Variants in GNAI1 observed in about 807,000 individuals in gnomAD.
GNAI1 encodes the protein G protein subunit alpha i1, also known as guanine nucleotide-binding protein G(i) subunit alpha-1.
Under a neutral mutation model 38.9 loss-of-function variants are expected in GNAI1, and 11 were observed. That is an observed-to-expected ratio of 0.28 (90% CI 0.18 to 0.47). The LOEUF (loss-of-function observed/expected upper bound fraction) is 0.47, where lower values mean the gene tolerates loss of function less well. Among genes scored for constraint, GNAI1 ranks in the 20% least tolerant of loss-of-function variants. The probability of loss-of-function intolerance (pLI) is 0.99; values close to 1 mark genes in which losing one functional copy is unlikely to be tolerated. For missense variants in GNAI1, 317 were observed against 436.9 expected (o/e 0.73, Z 2.45); for synonymous variants, 166 against 145.1 (o/e 1.14, Z -1.04).
chr7:80,169,758 C>T (rs1387770373), intron 1 of GNAI1, among the ~76,000 whole-genome samples: 3 of 152,122 alleles, frequency 2.0e-5, no homozygotes, highest in African/African-American at 7.2e-5. Context: ...TGTCGTGCAG[C>T]CATTACCATA....
chr7:80,148,520 T>C (rs1375444652), intron 1 of GNAI1, among the ~76,000 whole-genome samples: 1 of 104,976 alleles, frequency 9.5e-6, no homozygotes, highest in African/African-American at 3.2e-5. Context: ...AAAAAAATGT[T>C]ATTTTAAAAT....
chr7:80,212,604 C>T (rs1584055726), intron 6 of GNAI1, 112 bp from the exon 7 acceptor site: 1 of 576,882 alleles, frequency 1.7e-6, no homozygotes, highest in Non-Finnish European at 2.9e-6. Flanking sequence ...TTTTGTGATA[C>T]GTATTTTTCA....
intron 3 of GNAI1, among the ~76,000 whole-genome samples, chr7:80,196,884 G>A (rs1157675975): frequency 5.3e-5 from 8 of 151,848 alleles, no homozygotes; most frequent in African/African-American, 1.7e-4. Context: ...AGTAGAGTAG[G>A]TTAACATGCC....
At chr7:80,150,087 G>A (rs1312077274) in intron 1 of GNAI1, among the ~76,000 whole-genome samples, 1 of 152,140 alleles carries the variant, frequency 6.6e-6, no homozygotes, top group Admixed American at 6.5e-5. Flanking sequence ...TGTACTGTTG[G>A]TTGGGAGCAT....
chr7:80,201,348 A>G (rs1445447872), intron 4 of GNAI1, among the ~76,000 whole-genome samples: 3 of 152,132 alleles, frequency 2.0e-5, no homozygotes, highest in Non-Finnish European at 2.9e-5. Flanking sequence ...TTCTCACTGT[A>G]TGGGGGAACT....
rs1199945671 is a variant in GNAI1, at chr7:80,220,384, ATACCTC to A, written c.*2893_*2898del. The stretch of plus-strand genomic sequence containing the variant: ...TTTGGCACTTTTAAATTTGTTTGTG[ATACCTC>A]TTTTAGACTCCTCTGGCATCTGTTC... On this transcript the variant is annotated 3_prime_UTR_variant, in exon 8 of 8. Coordinates refer to ENST00000649796, the MANE Select transcript of GNAI1 (RefSeq NM_002069.6). Among the ~76,000 whole-genome samples, 1 of 152,172 alleles carries A rather than the reference ATACCTC, an allele frequency of 6.6e-6. No homozygotes were observed. Among genetic ancestry groups the A allele is most frequent in the African/African-American group, 2.4e-5 (1 of 41,436 alleles).
intron 1 of GNAI1, among the ~76,000 whole-genome samples, chr7:80,138,464 G>C (rs1045009375): frequency 2.0e-5 from 3 of 152,136 alleles, no homozygotes; most frequent in African/African-American, 7.2e-5. Context: ...ATACTTAATA[G>C]AGAAACATTT....
chr7:80,168,602 G>T (rs921621418), intron 1 of GNAI1, among the ~76,000 whole-genome samples: 2 of 152,068 alleles, frequency 1.3e-5, no homozygotes, highest in Non-Finnish European at 2.9e-5. Context: ...TAGCCAGGAT[G>T]GTCTCGATCT....
At chr7:80,208,327 T>A (rs1345197960) in intron 5 of GNAI1, among the ~76,000 whole-genome samples, 1 of 152,186 alleles carries the variant, frequency 6.6e-6, no homozygotes, top group Non-Finnish European at 1.5e-5. Flanking sequence ...CTAATATAAG[T>A]GTAGAGCAAT....
intron 1 of GNAI1, among the ~76,000 whole-genome samples, chr7:80,141,366 T>C (rs1177710932): frequency 6.6e-6 from 1 of 152,310 alleles, no homozygotes; most frequent in Non-Finnish European, 1.5e-5. Flanking sequence ...TAATCCATAC[T>C]GGGACAAAAT....
At position 80,225,434 on chromosome 7, in the gene GNAI1, G is replaced by GT. The variant is rs1789142765; in HGVS notation, c.*7941_*7942insT. Among the ~76,000 whole-genome samples the GT allele has an allele frequency of 2.1e-4, 32 of 151,668 alleles. No individual in the cohort carries two copies. Among genetic ancestry groups the GT allele is most frequent in the Admixed American group, 4.6e-4 (7 of 15,228 alleles). On this transcript the variant is annotated 3_prime_UTR_variant, in exon 8 of 8. Transcript: ENST00000649796. ...TGCAGCCAAATCAAAAGATTAGTGG[G>GT]GTTTTTTTTAATGTTGTTATTGTGT... is the stretch of plus-strand genomic sequence containing the variant.
intron 1 of GNAI1, among the ~76,000 whole-genome samples, chr7:80,173,881 C>A (rs573726469): frequency 6.6e-6 from 1 of 152,250 alleles, no homozygotes; most frequent in South Asian, 2.1e-4. Flanking sequence ...AACTCAGTTA[C>A]CACACTGTCT....
intron 5 of GNAI1, among the ~76,000 whole-genome samples, chr7:80,205,597 T>C (rs1160722749): frequency 6.6e-6 from 1 of 152,180 alleles, no homozygotes; most frequent in Non-Finnish European, 1.5e-5. Flanking sequence ...GTGATTTTTT[T>C]TTAAGATTAT....
rs140854368 is a variant in GNAI1 at position 80,185,053 on chromosome 7, T to A, written c.119-3898T>A. ...CTTTTCTTCTTGAAGTTGCTCTTGG[T>A]AGATGGGAGCACTTTTCATCCCATC... On this transcript the variant is annotated intron_variant, in intron 1 of 7. Transcript: ENST00000649796. Among the ~76,000 whole-genome samples, 20 of 152,306 alleles carry A rather than the reference T, an allele frequency of 1.3e-4. No individual in the cohort carries two copies. The East Asian group carries it at 3.9e-3, about 30-fold the overall frequency.
chr7:80,156,892 T>C (rs1358753814), intron 1 of GNAI1, among the ~76,000 whole-genome samples: 3 of 152,152 alleles, frequency 2.0e-5, no homozygotes, highest in Non-Finnish European at 4.4e-5. Context: ...ATGCATAGAC[T>C]CCTCCATTAT....
intron 1 of GNAI1, among the ~76,000 whole-genome samples, chr7:80,155,870 T>C (rs1457984154): frequency 2.0e-5 from 3 of 151,300 alleles, no homozygotes; most frequent in Non-Finnish European, 4.4e-5. Flanking sequence ...GCCTGGCCAA[T>C]ATGGTGAAAC....
chr7:80,210,510 A>G (rs1411758777), intron 5 of GNAI1, among the ~76,000 whole-genome samples: 4 of 151,320 alleles, frequency 2.6e-5, no homozygotes, highest in Non-Finnish European at 5.9e-5. Flanking sequence ...TTAAAACGAC[A>G]TGTTTTAGTA....
rs1294878804 is a variant in GNAI1, at chr7:80,224,777, C to CTA, written c.*7286_*7287dup. 3.3e-5 allele frequency among the ~76,000 whole-genome samples: 5 copies of CTA among 151,972 alleles called. No homozygotes were observed. Among genetic ancestry groups the CTA allele is most frequent in the South Asian group, 4.2e-4 (2 of 4,806 alleles). On this transcript the variant is annotated 3_prime_UTR_variant, in exon 8 of 8. Transcript: ENST00000649796. ...CGTAGCTAGTCCAAAGTGAGTTGGC[C>CTA]TATTAGTGTAAAATACAAGAGTTCA...
intron 1 of GNAI1, among the ~76,000 whole-genome samples, chr7:80,155,992 G>A (rs1418558060): frequency 3.6e-5 from 5 of 138,634 alleles, no homozygotes; most frequent in South Asian, 2.3e-4. Context: ...GCAGTGAGCC[G>A]AGATCACACC....
Sources: gnomAD v4.1 joint callset for allele counts (sites outside exome capture counted in the v4.1 genomes callset) on GRCh38, gnomAD v4.1.1 for gene constraint, MANE v1.5 for transcripts, NCBI Gene and HGNC (gene_info 2026-07-23, HGNC 2026-07-21) for gene names.